VOPP1: variants seen among roughly 807,000 people sequenced by gnomAD.
VOPP1 encodes WW domain binding protein VOPP1.
A neutral mutation model predicts 23.5 loss-of-function variants in VOPP1; 8 were observed. The observed-to-expected ratio is 0.34, with a 90% confidence interval of 0.20 to 0.61. VOPP1 has a LOEUF of 0.61. Ranked by LOEUF, VOPP1 falls within the 20% of genes least tolerant of loss-of-function variation. VOPP1 has a pLI of 0.78. For synonymous variants in VOPP1, 83 were observed against 97.3 expected (o/e 0.85, Z 0.86); for missense variants, 174 against 238.1 (o/e 0.73, Z 1.77).
intron 1 of VOPP1, among the ~76,000 whole-genome samples, chr7:55,536,782 T>C (rs1338383963): frequency 1.3e-5 from 2 of 152,134 alleles, no homozygotes; most frequent in East Asian, 3.9e-4. Flanking sequence ...GGCGTGCTGA[T>C]CCTGGCTCAG....
intron 1 of VOPP1, among the ~76,000 whole-genome samples, chr7:55,530,090 C>T (rs1796414822): frequency 6.6e-6 from 1 of 151,996 alleles, no homozygotes; most frequent in Non-Finnish European, 1.5e-5. Context: ...GGAATGGGTA[C>T]GTACATTCCA....
Position 55,571,218 on chromosome 7 carries a change from T to G in VOPP1, c.54+1053A>C, listed in dbSNP as rs143279339. On this transcript the variant is annotated intron_variant, in intron 1 of 4. Coordinates refer to ENST00000285279, the MANE Select transcript of VOPP1 (RefSeq NM_030796.5). Reference sequence around the variant, plus strand: ...AGGAAGTCTCGGCTATGGCAGAGCCTGGAGCAAGGAGAAATTTGTCCACCA... The same window carrying G: ...AGGAAGTCTCGGCTATGGCAGAGCCGGGAGCAAGGAGAAATTTGTCCACCA... Among the ~76,000 whole-genome samples the G allele has an allele frequency of 3.4e-4, 52 of 152,344 alleles. No homozygotes were observed. In the East Asian group the frequency reaches 9.7e-3, roughly 28 times the overall value.
chr7:55,440,080 G>T (rs909664040), intron 4 of VOPP1, among the ~76,000 whole-genome samples: 1 of 152,246 alleles, frequency 6.6e-6, no homozygotes, highest in Non-Finnish European at 1.5e-5. Flanking sequence ...GTCACCGCTG[G>T]TGAGAGCGGG....
intron 1 of VOPP1, among the ~76,000 whole-genome samples, chr7:55,550,675 G>A (rs1207680718): frequency 6.6e-6 from 1 of 152,128 alleles, no homozygotes; most frequent in Non-Finnish European, 1.5e-5. Flanking sequence ...CTATCGCGAA[G>A]GATTATACAG....
At chr7:55,452,292 C>G (rs750005131) in intron 4 of VOPP1, among the ~76,000 whole-genome samples, 2 of 152,276 alleles carry the variant, frequency 1.3e-5, no homozygotes, top group East Asian at 3.9e-4. Context: ...GGTTCCACTT[C>G]GAATTATATT....
intron 2 of VOPP1, among the ~76,000 whole-genome samples, chr7:55,501,261 G>A (rs563212077): frequency 2.6e-5 from 4 of 152,370 alleles, no homozygotes; most frequent in Admixed American, 6.5e-5. Flanking sequence ...GTGAAAGGAC[G>A]GCGTCGATTT....
rs3066310 is a variant in VOPP1 at position 55,445,991 on chromosome 7, CTTT to C, written n.418-9820_418-9818del. Among the ~76,000 whole-genome samples the C allele has an allele frequency of 1.2e-3, 152 of 128,276 alleles. 1 individual carries two copies. Among genetic ancestry groups the C allele is most frequent in the East Asian group, 0.012 (50 of 4,244 alleles). 84.2% of individuals were successfully genotyped at this position (128,276 alleles called of 152,430 possible). A position where few individuals can be genotyped will look rare whatever the true frequency, so the allele number is the denominator to read the frequency against. ...CTGTTGTGGAGGTATCCAGGTGAAACTTTTTTTTTTTTTTTTTTTGAGACGGAG... is the reference window on the plus strand; with the variant it reads ...CTGTTGTGGAGGTATCCAGGTGAAACTTTTTTTTTTTTTTTTGAGACGGAG... On this transcript the variant is annotated intron_variant and non_coding_transcript_variant, in intron 4 of 4. Coordinates refer to the VOPP1 transcript ENST00000462326.
chr7:55,479,531 G>GT (rs1330223757), intron 4 of VOPP1, among the ~76,000 whole-genome samples: 3 of 152,088 alleles, frequency 2.0e-5, no homozygotes, highest in Non-Finnish European at 4.4e-5. Context: ...GGATTTTTAG[G>GT]TAAGTACTGA....
At chr7:55,459,059 C>T (rs1380434957) in intron 4 of VOPP1, among the ~76,000 whole-genome samples, 1 of 143,798 alleles carries the variant, frequency 7.0e-6, no homozygotes, top group East Asian at 2.0e-4. Flanking sequence ...CCTTGTATGT[C>T]TAATTTGTTG....
downstream of VOPP1, among the ~76,000 whole-genome samples, chr7:55,435,601 C>T (rs948177386): frequency 6.6e-6 from 1 of 152,326 alleles, no homozygotes; most frequent in South Asian, 2.1e-4. Flanking sequence ...CCGGCCAGTG[C>T]GCTTCTGGAA....
At chr7:55,552,007 A>G (rs1797627082) in intron 1 of VOPP1, among the ~76,000 whole-genome samples, 1 of 131,732 alleles carries the variant, frequency 7.6e-6, no homozygotes, top group Admixed American at 8.4e-5. Context: ...GGGCAACAAG[A>G]GTGAGACTGT....
intron 1 of VOPP1, among the ~76,000 whole-genome samples, chr7:55,554,666 C>A (rs1035751104): frequency 1.3e-5 from 2 of 152,140 alleles, no homozygotes; most frequent in African/African-American, 4.8e-5. Context: ...AACCAATGGG[C>A]GGAGCTTTGG....
At chr7:55,556,377 A>T (rs758471819) in intron 1 of VOPP1, among the ~76,000 whole-genome samples, 1 of 152,204 alleles carries the variant, frequency 6.6e-6, no homozygotes, top group Non-Finnish European at 1.5e-5. Context: ...TCTGGATTCC[A>T]TGAGCCAAAA....
At chr7:55,497,055 T>TC (rs1474486499) in intron 3 of VOPP1, among the ~76,000 whole-genome samples, 1 of 152,090 alleles carries the variant, frequency 6.6e-6, no homozygotes, top group East Asian at 1.9e-4. Flanking sequence ...CACAGGAGGC[T>TC]CCCCCCATGG....
chr7:55,565,241 C>T (rs780234780), intron 1 of VOPP1, among the ~76,000 whole-genome samples: 25 of 152,184 alleles, frequency 1.6e-4, no homozygotes, highest in Admixed American at 3.3e-4. Flanking sequence ...ATGCAGATCA[C>T]CTTCGCGTTT....
At chr7:55,455,649 C>T (rs1489965939) in intron 4 of VOPP1, among the ~76,000 whole-genome samples, 1 of 152,170 alleles carries the variant, frequency 6.6e-6, no homozygotes, top group East Asian at 1.9e-4. Context: ...AATAACACCA[C>T]ACATCTACAA....
chr7:55,529,177 A>C (rs1207173795), intron 1 of VOPP1, among the ~76,000 whole-genome samples: 1 of 152,098 alleles, frequency 6.6e-6, no homozygotes, highest in Non-Finnish European at 1.5e-5. Flanking sequence ...CAGGAGATGG[A>C]GACCATCCTG....
intron 1 of VOPP1, among the ~76,000 whole-genome samples, chr7:55,545,823 C>T (rs1426910983): frequency 4.6e-5 from 7 of 152,108 alleles, no homozygotes; most frequent in Non-Finnish European, 1.5e-5. Flanking sequence ...CACACCAGCA[C>T]TCTGGGAGGC....
At chr7:55,449,477 G>C (rs1161187457) in intron 4 of VOPP1, among the ~76,000 whole-genome samples, 1 of 152,226 alleles carries the variant, frequency 6.6e-6, no homozygotes, top group Non-Finnish European at 1.5e-5. Context: ...GCCAGGCCCA[G>C]GCCTGCACTA....
Sources: allele counts gnomAD v4.1 joint callset (sites outside exome capture counted in the v4.1 genomes callset), GRCh38; gene constraint gnomAD v4.1.1; transcripts MANE v1.5; gene names NCBI Gene and HGNC (gene_info 2026-07-23, HGNC 2026-07-21).